Variants in SPATA13 observed in about 807,000 individuals in gnomAD.
SPATA13 encodes the protein spermatogenesis associated 13.
Under a neutral mutation model 104.0 loss-of-function variants are expected in SPATA13, and 50 were observed. That is an observed-to-expected ratio of 0.48 (90% confidence interval 0.38 to 0.61). The LOEUF (loss-of-function observed/expected upper bound fraction) is 0.61. SPATA13 is among the 20% of genes least tolerant of loss of function. The pLI, the probability that SPATA13 is intolerant of heterozygous loss-of-function variation, is 0.00. For synonymous variants in SPATA13, 606 were observed against 667.5 expected, an observed-to-expected ratio of 0.91 and a Z score of 1.42; for missense variants, 1,524 against 1,690.6, an observed-to-expected ratio of 0.90 and a Z score of 1.73.
intron 3 of SPATA13, chr13:24,033,808 T>A (rs991335132): frequency 1.3e-5 from 2 of 152,182 alleles, no homozygotes; most frequent in Non-Finnish European, 2.9e-5. Context: ...CCTCAGGAAG[T>A]CAGTGCCAGG....
chr13:24,149,806 C>T (rs1410597126), intron 3 of SPATA13, among the ~76,000 whole-genome samples: 1 of 152,186 alleles, frequency 6.6e-6, no homozygotes, highest in East Asian at 1.9e-4. Flanking sequence ...CCTTGCATGA[C>T]ATGCAAAGAA....
In SPATA13 at chr13:24,266,251, C is replaced by T. The variant is rs567812914; in HGVS notation, c.2164+14389C>T. 3.4e-3 allele frequency among the ~76,000 whole-genome samples: 518 copies of T among 152,276 alleles called. 1 individual carries two copies. The highest frequency in any genetic ancestry group is 6.1e-3 in the Non-Finnish European group (416 of 68,018). Reference sequence around the variant, plus strand: ...ATCTATAGAATAAAATTGATCATAACATCCTATGTGTTTTCAACATCTATT... The same window carrying T: ...ATCTATAGAATAAAATTGATCATAATATCCTATGTGTTTTCAACATCTATT... On this transcript the variant is annotated intron_variant, in intron 4 of 12. Transcript: ENST00000382108.
At chr13:24,107,235 G>T (rs1880482243) in intron 3 of SPATA13, among the ~76,000 whole-genome samples, 1 of 55,240 alleles carries the variant, frequency 1.8e-5, no homozygotes, top group Admixed American at 2.6e-4. Context: ...TTGAACAAGA[G>T]GCAAAAAAAA....
chr13:24,198,314 C>T (rs1056902616), intron 1 of SPATA13, among the ~76,000 whole-genome samples: 5 of 152,138 alleles, frequency 3.3e-5, no homozygotes, highest in African/African-American at 9.7e-5. Context: ...TTTCCAGACT[C>T]ACTGGACTAA....
intron 3 of SPATA13, among the ~76,000 whole-genome samples, chr13:24,065,991 G>A (rs1241760735): frequency 1.3e-5 from 2 of 152,200 alleles, no homozygotes; most frequent in Non-Finnish European, 2.9e-5. Context: ...TAGGGCTGTT[G>A]TAAAGGTTAA....
At chr13:24,278,599 T>G in intron 4 of SPATA13, 2 of 1,434,346 alleles carry the variant, frequency 1.4e-6, no homozygotes, top group Non-Finnish European at 1.8e-6. Flanking sequence ...TTCTATACTG[T>G]TTTTCAATTT....
At chr13:24,030,030 A>G (rs1593287728) in intron 3 of SPATA13, among the ~76,000 whole-genome samples, 2 of 151,086 alleles carry the variant, frequency 1.3e-5, no homozygotes, top group Non-Finnish European at 1.5e-5. Flanking sequence ...GTTCTCATAT[A>G]TGCCCTACCT....
intron 2 of SPATA13, among the ~76,000 whole-genome samples, chr13:23,989,644 G>C (rs1462278010): frequency 6.6e-6 from 1 of 152,134 alleles, no homozygotes; most frequent in Non-Finnish European, 1.5e-5. Flanking sequence ...TGAGTTTGCT[G>C]TCTTGCTTCT....
Position 23,987,138 on chromosome 13 carries a change from G to A in SPATA13, c.-147+3205G>A, listed in dbSNP as rs193210127. Among the ~76,000 whole-genome samples the A allele has an allele frequency of 1.4e-4, 21 of 151,792 alleles. 1 individual carries two copies. The highest frequency in any genetic ancestry group is 4.1e-4 in the African/African-American group (17 of 41,396). On this transcript the variant is annotated intron_variant, in intron 2 of 14. Transcript: ENST00000424834. ...CCTACACTGAACCTGTTAGTAAAATGAGACATTCATTTATAATGAAAGCAG... is the reference window on the plus strand; with the variant it reads ...CCTACACTGAACCTGTTAGTAAAATAAGACATTCATTTATAATGAAAGCAG...
At chr13:24,126,900 A>G (rs1231817046) in intron 3 of SPATA13, among the ~76,000 whole-genome samples, 1 of 152,086 alleles carries the variant, frequency 6.6e-6, no homozygotes, top group Non-Finnish European at 1.5e-5. Context: ...AGGAATCTTT[A>G]CCCTAAACGT....
chr13:24,169,147 G>A (rs1455798294), intron 1 of SPATA13, among the ~76,000 whole-genome samples: 1 of 152,044 alleles, frequency 6.6e-6, no homozygotes, highest in Non-Finnish European at 1.5e-5. Flanking sequence ...CACGCTGTCA[G>A]AACTTTGGTT....
intron 3 of SPATA13, among the ~76,000 whole-genome samples, chr13:24,149,720 C>G (rs1053264501): frequency 6.6e-6 from 1 of 152,184 alleles, no homozygotes; most frequent in African/African-American, 2.4e-5. Context: ...GGGGAAGAAC[C>G]CAGAGGGAGA....
At chr13:24,060,417 A>C (rs9507233) in intron 3 of SPATA13, among the ~76,000 whole-genome samples, 73,144 of 152,098 alleles carry the variant, frequency 0.48, 18,881 homozygotes, top group East Asian at 0.66. Flanking sequence ...TCCTTACACC[A>C]TGTAAAAATG....
intron 3 of SPATA13, among the ~76,000 whole-genome samples, chr13:24,082,472 G>A (rs1879554783): frequency 6.6e-6 from 1 of 152,222 alleles, no homozygotes; most frequent in African/African-American, 2.4e-5. Flanking sequence ...GTCCACCACA[G>A]TGGGATACAC....
Position 24,305,346 on chromosome 13 carries a change from G to T in SPATA13, c.*2573G>T, listed in dbSNP as rs1247556639. On this transcript the variant is annotated 3_prime_UTR_variant, in exon 13 of 13. Transcript: ENST00000382108. ...CCTGTCAGTTTTATAGAGTGTGAGG[G>T]TCACTCCATTAAAGATCTCTCCTGG... The T allele has an allele frequency of 6.6e-6, 1 of 152,130 alleles. No homozygotes were observed. Among genetic ancestry groups the T allele is most frequent in the East Asian group, 1.9e-4 (1 of 5,202 alleles). The allele number at this position is 152,130 out of a possible 1,614,324, so 9.4% of individuals were successfully genotyped here. A position where few individuals can be genotyped will look rare whatever the true frequency, so the allele number is the denominator to read the frequency against.
intron 3 of SPATA13, chr13:24,123,268 T>C: frequency 6.2e-7 from 1 of 1,601,714 alleles, no homozygotes; most frequent in Non-Finnish European, 8.5e-7. Context: ...TTCACAGGCA[T>C]TTCTCTATCA....
At chr13:24,228,272 C>T (rs1171987815) in intron 2 of SPATA13, among the ~76,000 whole-genome samples, 1 of 152,018 alleles carries the variant, frequency 6.6e-6, no homozygotes, top group Non-Finnish European at 1.5e-5. Context: ...TGCCACCATG[C>T]CCGGCTCATG....
At chr13:24,252,487 T>C (rs766232932) in intron 4 of SPATA13, among the ~76,000 whole-genome samples, 3 of 152,156 alleles carry the variant, frequency 2.0e-5, no homozygotes, top group Non-Finnish European at 4.4e-5. Flanking sequence ...GGGGACACAA[T>C]TCAATCAAAA....
chr13:24,219,435 A>G (rs971230373), intron 1 of SPATA13, among the ~76,000 whole-genome samples: 1 of 152,222 alleles, frequency 6.6e-6, no homozygotes, highest in African/African-American at 2.4e-5. Context: ...TTAAGTTCTG[A>G]GTGTTAGAAA....
Sources: allele counts gnomAD v4.1 joint callset (sites outside exome capture counted in the v4.1 genomes callset), GRCh38; gene constraint gnomAD v4.1.1; transcripts MANE v1.5; gene names NCBI Gene and HGNC (gene_info 2026-07-23, HGNC 2026-07-21).